The following LIMCH1 variants were observed in gnomAD, a reference collection of about 807,000 sequenced individuals.
LIMCH1 encodes the protein LIM and calponin homology domains-containing protein 1.
In LIMCH1, 113 loss-of-function variants were observed where a neutral mutation model predicts 176.5. The observed-to-expected ratio is 0.64, with a 90% CI of 0.55 to 0.75. The LOEUF (loss-of-function observed/expected upper bound fraction) is 0.75. Ranked by LOEUF, LIMCH1 falls within the 30% of genes least tolerant of loss-of-function variation. The pLI is 0.00. For synonymous variants in LIMCH1, 619 were observed against 645.9 expected (o/e 0.96, Z 0.63); for missense variants, 1,674 against 1,814.9 (o/e 0.92, Z 1.41).
At chr4:41,567,488 G>A (rs1179061484) in intron 1 of LIMCH1, among the ~76,000 whole-genome samples, 1 of 152,154 alleles carries the variant, frequency 6.6e-6, no homozygotes, top group African/African-American at 2.4e-5. Flanking sequence ...AGCAGCAATA[G>A]TAGTAATATA....
At position 41,619,279 on chromosome 4, in the gene LIMCH1, T is replaced by C. The variant is rs1226078163; in HGVS notation, c.297T>C (p.Gly99=). ...TGTCTGCACGGCGGACTTCCCATGG[T>C]GAGCCGAAATCAGCAGTGCCTTTTA... ...DDMSARRTSH[G]EPKSAVPFNQ... Residue 99 remains glycine (G), a synonymous_variant, in exon 6 of 32, where the codon GGT becomes GGC. Transcript: ENST00000503057. 6.2e-7 allele frequency: 1 copy of C among 1,614,192 alleles called. No homozygotes were observed. The highest frequency in any genetic ancestry group is 8.5e-7 in the Non-Finnish European group (1 of 1,180,032).
intron 2 of LIMCH1, 85 bp from the exon 3 acceptor site, chr4:41,603,790 A>G (rs1183389849): frequency 3.4e-6 from 3 of 881,530 alleles, no homozygotes; most frequent in Non-Finnish European, 5.6e-6. Flanking sequence ...GTTAGCTTCA[A>G]GTACATCTTA....
At chr4:41,688,903 A>T (rs2153075340) in intron 29 of LIMCH1, 1 of 152,468 alleles carries the variant, frequency 6.6e-6, no homozygotes, top group South Asian at 2.1e-4. Context: ...ACTGGAAGAA[A>T]TTGTAGAGAT....
chr4:41,428,263 C>T (rs569869010), intron 1 of LIMCH1, among the ~76,000 whole-genome samples: 1 of 152,208 alleles, frequency 6.6e-6, no homozygotes, highest in African/African-American at 2.4e-5. Context: ...TAGCTGTGGA[C>T]CTTGGTTATA....
chr4:41,421,452 G>T (rs1031264194), intron 1 of LIMCH1, among the ~76,000 whole-genome samples: 1 of 152,148 alleles, frequency 6.6e-6, no homozygotes, highest in Non-Finnish European at 1.5e-5. Flanking sequence ...TATTGGTTAT[G>T]ATTTTAAAAC....
intron 1 of LIMCH1, among the ~76,000 whole-genome samples, chr4:41,466,578 A>AT (rs1340987668): frequency 6.6e-6 from 1 of 152,224 alleles, no homozygotes; most frequent in Non-Finnish European, 1.5e-5. Flanking sequence ...AGATGGAGAG[A>AT]TTACAATAAA....
chr4:41,415,664 C>T (rs2059857108), intron 1 of LIMCH1, among the ~76,000 whole-genome samples: 1 of 152,064 alleles, frequency 6.6e-6, no homozygotes, highest in Non-Finnish European at 1.5e-5. Flanking sequence ...TCTGGTACTG[C>T]TATTTGTGTA....
intron 1 of LIMCH1, among the ~76,000 whole-genome samples, chr4:41,472,742 G>A (rs1157981202): frequency 2.6e-5 from 4 of 152,130 alleles, no homozygotes; most frequent in Admixed American, 6.5e-5. Context: ...TAATTTTCCT[G>A]CAAGGTAGTC....
intron 1 of LIMCH1, among the ~76,000 whole-genome samples, chr4:41,416,991 A>G (rs537752956): frequency 6.6e-6 from 1 of 152,302 alleles, no homozygotes; most frequent in South Asian, 2.1e-4. Flanking sequence ...GGGCAAAGAC[A>G]TGTGCAACTG....
chr4:41,362,963 T>A (rs1286980066), intron 1 of LIMCH1, among the ~76,000 whole-genome samples: 1 of 152,192 alleles, frequency 6.6e-6, no homozygotes, highest in African/African-American at 2.4e-5. Flanking sequence ...GGGGCATGCG[T>A]GGCTTTAGGA....
rs530308078 is a variant in LIMCH1 at position 41,661,400 on chromosome 4, GA to G, written c.3037-13del. On this transcript the variant is annotated intron_variant, in intron 18 of 31. Transcript: ENST00000503057. ...TTAAAGGAATCATTTATTCAAGGGG[GA>G]AAAAAATCTCTTTTTCAGGCAACCA... 9 of 1,535,990 alleles carry G rather than the reference GA, an allele frequency of 5.9e-6. No individual in the cohort carries two copies. The highest frequency in any genetic ancestry group is 3.7e-5 in the Admixed American group (2 of 54,190).
intron 1 of LIMCH1, among the ~76,000 whole-genome samples, chr4:41,561,616 A>G (rs1346667029): frequency 1.3e-5 from 2 of 152,156 alleles, no homozygotes; most frequent in Non-Finnish European, 2.9e-5. Context: ...AGTTTACAAA[A>G]TTTCTTTAAG....
At chr4:41,639,959 G>A (rs535606280) in intron 14 of LIMCH1, among the ~76,000 whole-genome samples, 2 of 152,276 alleles carry the variant, frequency 1.3e-5, no homozygotes, top group East Asian at 1.9e-4. Flanking sequence ...TGTAGAACAT[G>A]CAAACATCAT....
intron 30 of LIMCH1, among the ~76,000 whole-genome samples, chr4:41,690,488 T>C (rs1313301065): frequency 6.6e-6 from 1 of 152,220 alleles, no homozygotes; most frequent in Non-Finnish European, 1.5e-5. Flanking sequence ...CATGGACACA[T>C]TTCAAAATAA....
At chr4:41,678,743 T>TGTGA (rs1359387319) in intron 23 of LIMCH1, among the ~76,000 whole-genome samples, 1 of 151,884 alleles carries the variant, frequency 6.6e-6, no homozygotes, top group Non-Finnish European at 1.5e-5. Context: ...TGTGTGTGTG[T>TGTGA]GTGAGTGAAA....
intron 1 of LIMCH1, among the ~76,000 whole-genome samples, chr4:41,361,250 C>A (rs796170580): frequency 1.1e-4 from 17 of 152,362 alleles, no homozygotes; most frequent in African/African-American, 4.1e-4. Flanking sequence ...CGCTTCCAGG[C>A]GCTGCCAAGG....
intron 1 of LIMCH1, among the ~76,000 whole-genome samples, chr4:41,589,473 C>T (rs2087095080): frequency 6.6e-6 from 1 of 152,076 alleles, no homozygotes; most frequent in South Asian, 2.1e-4. Context: ...AGAAGAGAAA[C>T]CTGGGACAGA....
chr4:41,699,320 C>T lies in LIMCH1; in HGVS notation c.*2135C>T, dbSNP rs890756564. ...ATTGTACATGTATTGAAGCTAGAAT[C>T]GAGTCAAGAAAAATAAAGCCCCATT... On this transcript the variant is annotated 3_prime_UTR_variant, in exon 32 of 32. Transcript: ENST00000503057. The T allele has an allele frequency of 1.3e-5, 2 of 152,164 alleles. No homozygotes were observed. Among genetic ancestry groups the T allele is most frequent in the South Asian group, 2.1e-4 (1 of 4,802 alleles). The allele number at this position is 152,164 out of a possible 1,614,324, so 9.4% of individuals were successfully genotyped here.
At chr4:41,361,569 C>T (rs1429807106) in intron 1 of LIMCH1, among the ~76,000 whole-genome samples, 1 of 152,224 alleles carries the variant, frequency 6.6e-6, no homozygotes, top group African/African-American at 2.4e-5. Flanking sequence ...TGGCAACCCC[C>T]GCCCCTCTCC....
Sources: allele counts gnomAD v4.1 joint callset (sites outside exome capture counted in the v4.1 genomes callset), GRCh38; gene constraint gnomAD v4.1.1; transcripts MANE v1.5; gene names NCBI Gene and HGNC (gene_info 2026-07-23, HGNC 2026-07-21).